The following CSDE1 variants were observed in gnomAD, a reference collection of about 807,000 sequenced individuals.
CSDE1 encodes cold shock domain-containing protein E1.
Under a neutral mutation model 89.3 loss-of-function variants are expected in CSDE1, and 17 were observed. The observed-to-expected ratio is 0.19, with a 90% CI of 0.13 to 0.29. The LOEUF is 0.29. Among genes scored for constraint, CSDE1 ranks in the 10% least tolerant of loss-of-function variants. The probability of loss-of-function intolerance (pLI) is 1.00; values close to 1 mark genes in which losing one functional copy is unlikely to be tolerated. For missense variants in CSDE1, 672 were observed against 984.2 expected (o/e 0.68, Z 4.24); for synonymous variants, 322 against 332.8 (o/e 0.97, Z 0.35).
rs1295880855 is a variant in CSDE1, at chr1:114,734,561, A to G, written c.501-38T>C. The G allele has an allele frequency of 1.9e-6, 3 of 1,549,722 alleles. No individual in the cohort carries two copies. The South Asian group carries it at 3.5e-5, about 18-fold the overall frequency. On this transcript the variant is annotated intron_variant, in intron 6 of 19. Coordinates refer to ENST00000358528, the MANE Select transcript of CSDE1 (RefSeq NM_001007553.3). Reference sequence around the variant, plus strand: ...TAATTGCAGGGAGGAGGAATGAAACAGGGATTAAAAATGTATTGGCCTGCT... The same window carrying G: ...TAATTGCAGGGAGGAGGAATGAAACGGGGATTAAAAATGTATTGGCCTGCT...
At chr1:114,743,482 C>T (rs1024458722) in intron 2 of CSDE1, among the ~76,000 whole-genome samples, 7 of 152,162 alleles carry the variant, frequency 4.6e-5, no homozygotes, top group South Asian at 2.1e-4. Context: ...GGATTACAGG[C>T]GTGAGCCACT....
chr1:114,728,608 T>G (rs1340037050), intron 12 of CSDE1, among the ~76,000 whole-genome samples: 1 of 151,988 alleles, frequency 6.6e-6, no homozygotes, highest in Admixed American at 6.5e-5. Flanking sequence ...CCAGACACAT[T>G]TGGGAAGCAG....
intron 2 of CSDE1, among the ~76,000 whole-genome samples, chr1:114,742,164 G>C (rs564993077): frequency 1.9e-4 from 29 of 152,322 alleles, no homozygotes; most frequent in Non-Finnish European, 4.1e-4. Flanking sequence ...CAGGTATTCT[G>C]AGGAAAGAGT....
chr1:114,740,060 T>A, intron 2 of CSDE1, 170 bp from the exon 3 acceptor site: 1 of 543,098 alleles, frequency 1.8e-6, no homozygotes, highest in South Asian at 2.8e-5. Context: ...ATAAAACATT[T>A]CAGAGGAAAC....
intron 2 of CSDE1, among the ~76,000 whole-genome samples, chr1:114,741,925 A>G (rs1361786748): frequency 6.6e-6 from 1 of 152,208 alleles, no homozygotes; most frequent in African/African-American, 2.4e-5. Flanking sequence ...GAGACTATTC[A>G]GTCCAATTTC....
intron 9 of CSDE1, 80 bp downstream of exon 9, chr1:114,733,652 G>T: frequency 7.8e-7 from 1 of 1,289,144 alleles, no homozygotes; most frequent in South Asian, 1.5e-5. Flanking sequence ...AACTGAATAA[G>T]ATAAAATCTC....
At chr1:114,718,879 AG>A (rs1177108358) in intron 18 of CSDE1, 134 bp from the exon 19 acceptor site, 2 of 911,210 alleles carry the variant, frequency 2.2e-6, no homozygotes, top group Non-Finnish European at 3.3e-6. Context: ...TCATATACCT[AG>A]CTAGAAAGAC....
At chr1:114,740,536 C>A (rs1346123059) in intron 2 of CSDE1, among the ~76,000 whole-genome samples, 8 of 152,166 alleles carry the variant, frequency 5.3e-5, no homozygotes, top group African/African-American at 1.9e-4. Context: ...TTTAAAAATG[C>A]TGAATCATTT....
chr1:114,719,614 A>G lies in CSDE1; in HGVS notation c.2181T>C (p.Thr727=). The change falls in exon 18 of 20, where the codon ACT becomes ACC. Residue 727 remains threonine, a synonymous_variant. Coordinates refer to ENST00000358528, the MANE Select transcript of CSDE1 (RefSeq NM_001007553.3). ...AAACATTACAGGCGCTGCACTTGCC[A>G]GTGCGCTGATTAAGAATCACTGAGA... The part of the protein sequence containing the change: ...VEFSVILNQR[T]GKCSACNVWR... 3 of 1,614,058 alleles carry G rather than the reference A, an allele frequency of 1.9e-6. No individual in the cohort carries two copies. The highest frequency in any genetic ancestry group is 2.5e-6 in the Non-Finnish European group (3 of 1,179,886).
At chr1:114,757,822 G>A (rs1401032925) in intron 1 of CSDE1, 103 bp downstream of exon 1, 1 of 152,692 alleles carries the variant, frequency 6.5e-6, no homozygotes, top group Non-Finnish European at 1.5e-5. Flanking sequence ...AGCTCTACGA[G>A]TGCCCACCTT....
intron 16 of CSDE1, among the ~76,000 whole-genome samples, chr1:114,723,590 C>A (rs1659641108): frequency 6.6e-6 from 1 of 151,694 alleles, no homozygotes; most frequent in African/African-American, 2.4e-5. Context: ...ATACACTCAA[C>A]AGTAAAAGCT....
chr1:114,752,807 G>A (rs1334720902), intron 1 of CSDE1, among the ~76,000 whole-genome samples: 1 of 152,208 alleles, frequency 6.6e-6, no homozygotes, highest in Non-Finnish European at 1.5e-5. Flanking sequence ...TGCAGCAAGT[G>A]ATACCAAGCA....
intron 1 of CSDE1, among the ~76,000 whole-genome samples, chr1:114,757,100 C>G (rs1661641083): frequency 6.6e-6 from 1 of 152,160 alleles, no homozygotes; most frequent in African/African-American, 2.4e-5. Flanking sequence ...TCAGGGCGCA[C>G]GCCCATTCCC....
chr1:114,745,890 A>T (rs1660985336), intron 2 of CSDE1, among the ~76,000 whole-genome samples: 1 of 152,220 alleles, frequency 6.6e-6, no homozygotes, highest in Non-Finnish European at 1.5e-5. Flanking sequence ...ACTCTCAAGT[A>T]CTTTTAACAT....
intron 13 of CSDE1, 54 bp from the exon 14 acceptor site, chr1:114,726,440 T>G (rs1287562350): frequency 1.3e-5 from 18 of 1,439,996 alleles, no homozygotes; most frequent in Non-Finnish European, 1.7e-5. Context: ...ACCAATCTCC[T>G]TAACTCAGAA....
At position 114,738,092 on chromosome 1, in the gene CSDE1, T is replaced by C. The variant is rs1660506025; in HGVS notation, c.200-20A>G. On this transcript the variant is annotated intron_variant, in intron 3 of 19. Coordinates refer to ENST00000358528, the MANE Select transcript of CSDE1 (RefSeq NM_001007553.3). The stretch of plus-strand genomic sequence containing the variant: ...CATCATCTAAAAATAAATAATGTGT[T>C]ATGTTTGTTGAACTGATTTTTGCGA... 2 of 1,583,422 alleles carry C rather than the reference T, an allele frequency of 1.3e-6. No individual in the cohort carries two copies. Among genetic ancestry groups the C allele is most frequent in the East Asian group, 4.5e-5 (2 of 44,712 alleles).
At chr1:114,721,213 C>T (rs572821681) in intron 16 of CSDE1, among the ~76,000 whole-genome samples, 8 of 152,252 alleles carry the variant, frequency 5.3e-5, no homozygotes, top group African/African-American at 1.7e-4. Context: ...CACATAGGTT[C>T]CTTTTTCCAG....
intron 10 of CSDE1, among the ~76,000 whole-genome samples, chr1:114,731,959 T>C (rs1660126085): frequency 6.6e-6 from 1 of 152,098 alleles, no homozygotes; most frequent in Non-Finnish European, 1.5e-5. Context: ...GGATTACAGG[T>C]GCCCACCGTC....
chr1:114,744,565 C>A (rs1398839583), intron 2 of CSDE1, among the ~76,000 whole-genome samples: 1 of 152,004 alleles, frequency 6.6e-6, no homozygotes, highest in Non-Finnish European at 1.5e-5. Context: ...GAGACCCTGT[C>A]TCAAAACAAA....
Sources: gnomAD v4.1 joint callset for allele counts (sites outside exome capture counted in the v4.1 genomes callset) on GRCh38, gnomAD v4.1.1 for gene constraint, MANE v1.5 for transcripts, NCBI Gene and HGNC (gene_info 2026-07-23, HGNC 2026-07-21) for gene names.